The following DNAH14 variants were observed in gnomAD, a reference collection of about 807,000 sequenced individuals.
DNAH14 encodes the protein axonemal beta dynein heavy chain 14.
A neutral mutation model predicts 520.9 loss-of-function variants in DNAH14; 478 were observed. The ratio of observed to expected loss-of-function variants is 0.92; its 90% CI spans 0.85 to 0.99. The LOEUF is 0.99. DNAH14 is among the 50% of genes least tolerant of loss of function. The probability of loss-of-function intolerance (pLI) is 0.00; values close to 1 mark genes in which losing one functional copy is unlikely to be tolerated. For missense variants in DNAH14, 4,831 were observed against 5,234.5 expected (o/e 0.92, Z 2.38); for synonymous variants, 1,581 against 1,757.2 (o/e 0.90, Z 2.51).
chr1:225,297,446 T>C (rs1051316039), intron 55 of DNAH14, among the ~76,000 whole-genome samples: 1 of 152,222 alleles, frequency 6.6e-6, no homozygotes, highest in African/African-American at 2.4e-5. Context: ...TCATGTTTGA[T>C]GTGTCCCTTC....
intron 74 of DNAH14, 30 bp downstream of exon 74, chr1:225,358,682 C>A: frequency 6.5e-7 from 1 of 1,538,796 alleles, no homozygotes; most frequent in Non-Finnish European, 8.7e-7. Context: ...TTAAGATGAT[C>A]GATATGGTTT....
At chr1:225,322,417 C>A (rs934347215) in intron 61 of DNAH14, among the ~76,000 whole-genome samples, 19 of 152,080 alleles carry the variant, frequency 1.2e-4, no homozygotes, top group African/African-American at 4.3e-4. Flanking sequence ...AACTAATTAG[C>A]CTTTAACTCA....
chr1:224,987,581 C>A (rs1264800621), intron 8 of DNAH14, among the ~76,000 whole-genome samples: 3 of 152,110 alleles, frequency 2.0e-5, no homozygotes, highest in Non-Finnish European at 2.9e-5. Context: ...GGCAGAAGGG[C>A]AAGCAAACAA....
chr1:225,061,900 T>C (rs1252497222), intron 17 of DNAH14, among the ~76,000 whole-genome samples: 1 of 152,210 alleles, frequency 6.6e-6, no homozygotes, highest in African/African-American at 2.4e-5. Flanking sequence ...AGAACATTGA[T>C]TATGATGTGA....
chr1:225,260,644 G>C (rs116894347), intron 46 of DNAH14, among the ~76,000 whole-genome samples: 1 of 151,794 alleles, frequency 6.6e-6, no homozygotes, highest in Non-Finnish European at 1.5e-5. Context: ...TTGGCTATTC[G>C]GGATCTTTTG....
At chr1:225,110,891 C>T (rs1190911654) in intron 23 of DNAH14, among the ~76,000 whole-genome samples, 2 of 152,058 alleles carry the variant, frequency 1.3e-5, no homozygotes, top group African/African-American at 4.8e-5. Flanking sequence ...CATGGTCATT[C>T]AGGAGCATAT....
intron 49 of DNAH14, 30 bp downstream of exon 49, chr1:225,266,799 TTAAG>T: frequency 6.9e-7 from 1 of 1,447,372 alleles, no homozygotes; most frequent in Non-Finnish European, 9.1e-7. Context: ...TTTGTTCACA[TTAAG>T]TATTATTTCT....
At chr1:225,067,435 A>G (rs978692070) in intron 17 of DNAH14, among the ~76,000 whole-genome samples, 1 of 152,094 alleles carries the variant, frequency 6.6e-6, no homozygotes. Context: ...ATATGTATGC[A>G]TGTGTCTTTA....
In DNAH14 at chr1:225,002,723, T is replaced by C. The variant is rs2063857535; in HGVS notation, c.831-60T>C. ...TTAACTAAACCACACTACTTACCTC[T>C]AAATTAATTTTATTCATTTTGAATG... On this transcript the variant is annotated intron_variant, in intron 8 of 85. Coordinates refer to ENST00000682510, the MANE Select transcript of DNAH14 (RefSeq NM_001367479.1). The C allele has an allele frequency of 2.1e-6, 3 of 1,460,438 alleles. No individual in the cohort carries two copies. In the East Asian group the frequency reaches 7.5e-5, roughly 36 times the overall value. The allele number at this position is 1,460,438 out of a possible 1,614,324, so 90.5% of individuals were successfully genotyped here.
intron 54 of DNAH14, among the ~76,000 whole-genome samples, chr1:225,279,302 TG>T (rs1293073856): frequency 2.0e-5 from 3 of 152,168 alleles, no homozygotes; most frequent in Admixed American, 6.5e-5. Flanking sequence ...CCACCACACC[TG>T]GCCCCCTATT....
chr1:225,044,077 A>G (rs2067724130), intron 15 of DNAH14, 94 bp downstream of exon 15: 2 of 678,496 alleles, frequency 2.9e-6, no homozygotes, highest in South Asian at 2.0e-5. Flanking sequence ...GGGATGTGGC[A>G]GATGTTACAG....
chr1:225,113,884 C>T (rs1327472914), intron 23 of DNAH14, among the ~76,000 whole-genome samples: 8 of 152,120 alleles, frequency 5.3e-5, no homozygotes, highest in Admixed American at 4.6e-4. Flanking sequence ...GTAATGGACT[C>T]CATTCTAGCC....
intron 43 of DNAH14, chr1:225,250,589 G>A (rs996078700): frequency 6.8e-6 from 3 of 442,926 alleles, no homozygotes; most frequent in South Asian, 6.3e-5. Context: ...AACTGGAAAC[G>A]GTTTTACAGT....
intron 3 of DNAH14, 25 bp downstream of exon 3, chr1:224,955,123 G>A (rs1216363325): frequency 6.3e-7 from 1 of 1,592,206 alleles, no homozygotes; most frequent in African/African-American, 1.4e-5. Context: ...TACTATTCTG[G>A]CATGTTGATT....
At chr1:225,195,256 C>A (rs1441924828) in intron 38 of DNAH14, among the ~76,000 whole-genome samples, 2 of 152,052 alleles carry the variant, frequency 1.3e-5, no homozygotes, top group African/African-American at 2.4e-5. Context: ...ATGGAATTAA[C>A]CTAGATGCCC....
chr1:224,943,754 C>CTT (rs2059593985), intron 1 of DNAH14, among the ~76,000 whole-genome samples: 1 of 151,968 alleles, frequency 6.6e-6, no homozygotes, highest in Non-Finnish European at 1.5e-5. Context: ...CATTATGTAC[C>CTT]CAGTAGTCAT....
intron 75 of DNAH14, among the ~76,000 whole-genome samples, chr1:225,363,316 AG>A (rs1385602723): frequency 2.6e-5 from 4 of 152,212 alleles, no homozygotes; most frequent in Admixed American, 2.6e-4. Flanking sequence ...ATAGAATAAA[AG>A]TTTTGGCCAA....
chr1:224,970,496 C>A (rs986008693), intron 7 of DNAH14, among the ~76,000 whole-genome samples: 7 of 152,126 alleles, frequency 4.6e-5, no homozygotes, highest in Non-Finnish European at 7.3e-5. Context: ...CACTCCCTCC[C>A]CTTTTGAAAA....
intron 21 of DNAH14, among the ~76,000 whole-genome samples, chr1:225,087,100 A>G (rs369876869): frequency 1.3e-5 from 2 of 152,090 alleles, no homozygotes; most frequent in Admixed American, 6.5e-5. Context: ...TAGTCCACTT[A>G]GTGTTGCCTT....
Sources: allele counts gnomAD v4.1 joint callset (sites outside exome capture counted in the v4.1 genomes callset), GRCh38; gene constraint gnomAD v4.1.1; transcripts MANE v1.5; gene names NCBI Gene and HGNC (gene_info 2026-07-23, HGNC 2026-07-21).